Variants in RELN observed in about 807,000 individuals in gnomAD.
The protein encoded by RELN is reelin.
In RELN, 108 loss-of-function variants were observed where a neutral mutation model predicts 427.6. That is an observed-to-expected ratio of 0.25 (90% confidence interval 0.22 to 0.30). The LOEUF (loss-of-function observed/expected upper bound fraction) is 0.30. Ranked by LOEUF, RELN falls within the 10% of genes least tolerant of loss-of-function variation. RELN has a pLI of 1.00. For synonymous variants in RELN, 1,524 were observed against 1,513.4 expected, an observed-to-expected ratio of 1.01 and a Z score of -0.16; for missense variants, 3,715 against 4,302.8, an observed-to-expected ratio of 0.86 and a Z score of 3.82.
At chr7:103,816,477 C>A (rs900692881) in intron 3 of RELN, among the ~76,000 whole-genome samples, 7 of 150,748 alleles carry the variant, frequency 4.6e-5, no homozygotes, top group Admixed American at 2.7e-4. Flanking sequence ...CAGTATCTCC[C>A]AAAAGAAAAC....
chr7:103,520,957 ATTTTT>A (rs55830035), intron 48 of RELN, among the ~76,000 whole-genome samples: 9 of 79,208 alleles, frequency 1.1e-4, no homozygotes, highest in East Asian at 3.8e-4. Context: ...TAAATTTGTT[ATTTTT>A]TTTTTTTTTT....
intron 28 of RELN, 114 bp from the exon 29 acceptor site, chr7:103,575,819 T>C (rs1170778688): frequency 1.7e-6 from 2 of 1,161,800 alleles, no homozygotes; most frequent in East Asian, 2.4e-5. Context: ...TTGAAAGTCA[T>C]GTCTGCTTGA....
chr7:103,889,451 G>A (rs1794796995), intron 2 of RELN, among the ~76,000 whole-genome samples: 1 of 152,188 alleles, frequency 6.6e-6, no homozygotes, highest in Non-Finnish European at 1.5e-5. Context: ...CTCACGGAAA[G>A]TGTGAAAAGC....
chr7:103,567,802 T>C (rs1341190708), intron 31 of RELN, among the ~76,000 whole-genome samples: 2 of 149,872 alleles, frequency 1.3e-5, no homozygotes, highest in African/African-American at 2.4e-5. Context: ...TATATATATA[T>C]ATATTTTAAT....
intron 19 of RELN, among the ~76,000 whole-genome samples, chr7:103,634,951 C>T (rs573541587): frequency 2.6e-5 from 4 of 151,856 alleles, no homozygotes; most frequent in East Asian, 1.9e-4. Flanking sequence ...CTCTGCCTGC[C>T]GGGTTCAAGC....
chr7:103,926,303 C>T (rs7811606), intron 1 of RELN, among the ~76,000 whole-genome samples: 78,657 of 151,526 alleles, frequency 0.52, 20,918 homozygotes, highest in East Asian at 0.74. Context: ...ACCATGTTGG[C>T]CAGGATGGTC....
chr7:103,797,292 G>C (rs1287212992), intron 3 of RELN, among the ~76,000 whole-genome samples: 2 of 152,058 alleles, frequency 1.3e-5, no homozygotes, highest in Non-Finnish European at 2.9e-5. Flanking sequence ...TTTTAGTAGA[G>C]ATGGGGTTTC....
intron 1 of RELN, among the ~76,000 whole-genome samples, chr7:103,935,973 T>A (rs1346013462): frequency 1.3e-5 from 2 of 152,134 alleles, no homozygotes; most frequent in Non-Finnish European, 2.9e-5. Context: ...CTTCCCACCC[T>A]CAACCACACC....
chr7:103,781,560 A>T (rs556689919), intron 3 of RELN, among the ~76,000 whole-genome samples: 1 of 152,272 alleles, frequency 6.6e-6, no homozygotes, highest in African/African-American at 2.4e-5. Flanking sequence ...AGCATTTTCA[A>T]GAGTACAATA....
chr7:103,838,675 C>T (rs1194887293), intron 2 of RELN, among the ~76,000 whole-genome samples: 2 of 152,134 alleles, frequency 1.3e-5, no homozygotes, highest in Non-Finnish European at 2.9e-5. Flanking sequence ...AAAAGGAAAA[C>T]AAAGTCCTAG....
chr7:103,845,244 G>A (rs142912428), intron 2 of RELN, among the ~76,000 whole-genome samples: 93 of 152,066 alleles, frequency 6.1e-4, no homozygotes, highest in African/African-American at 2.0e-3. Context: ...AGGCTGGAGT[G>A]CAGTGGTACA....
chr7:103,483,053 T>C, intron 62 of RELN, 82 bp from the exon 63 acceptor site: 1 of 1,020,266 alleles, frequency 9.8e-7, no homozygotes, highest in Non-Finnish European at 1.5e-6. Context: ...TGTCAAATAT[T>C]ATAATAGGCT....
At chr7:103,825,480 TA>T (rs1793114744) in intron 3 of RELN, among the ~76,000 whole-genome samples, 1 of 152,178 alleles carries the variant, frequency 6.6e-6, no homozygotes, top group East Asian at 1.9e-4. Context: ...GCTGTTTACA[TA>T]AAATTGTCTT....
intron 8 of RELN, among the ~76,000 whole-genome samples, chr7:103,707,573 A>G (rs1208180524): frequency 1.3e-5 from 2 of 150,800 alleles, no homozygotes; most frequent in Non-Finnish European, 2.9e-5. Flanking sequence ...ATCTCGGCTC[A>G]CTGCAATCTT....
intron 3 of RELN, among the ~76,000 whole-genome samples, chr7:103,809,397 G>A (rs1445265237): frequency 1.3e-5 from 2 of 152,112 alleles, no homozygotes; most frequent in Admixed American, 6.5e-5. Flanking sequence ...CCAAAGCAGC[G>A]GGAGAGAGAG....
intron 32 of RELN, 50 bp from the exon 33 acceptor site, chr7:103,566,462 T>G (rs751187190): frequency 7.5e-6 from 12 of 1,589,592 alleles, no homozygotes; most frequent in Non-Finnish European, 9.5e-6. Context: ...TACATAGCAA[T>G]ATGAATATCT....
chr7:103,929,604 C>A (rs1795817483), intron 1 of RELN, among the ~76,000 whole-genome samples: 1 of 152,174 alleles, frequency 6.6e-6, no homozygotes, highest in Admixed American at 6.5e-5. Context: ...ACATTGAACT[C>A]ATGGCCAACA....
chr7:103,774,335 A>G (rs2116201888), intron 4 of RELN, among the ~76,000 whole-genome samples: 1 of 151,804 alleles, frequency 6.6e-6, no homozygotes, highest in South Asian at 2.1e-4. Flanking sequence ...TGAATGTTTT[A>G]TAAGAAAAGG....
At chr7:103,859,642 T>C (rs367799691) in intron 2 of RELN, among the ~76,000 whole-genome samples, 4 of 152,292 alleles carry the variant, frequency 2.6e-5, no homozygotes, top group African/African-American at 9.6e-5. Context: ...ATAATATAAA[T>C]AGAATATTAA....
Sources: allele counts gnomAD v4.1 joint callset (sites outside exome capture counted in the v4.1 genomes callset), GRCh38; gene constraint gnomAD v4.1.1; transcripts MANE v1.5; gene names NCBI Gene and HGNC (gene_info 2026-07-23, HGNC 2026-07-21).